The following TEX10 variants were observed in gnomAD, a reference collection of about 807,000 sequenced individuals.
TEX10 encodes the protein testis-expressed protein 10.
A neutral mutation model predicts 104.4 loss-of-function variants in TEX10; 24 were observed. The observed-to-expected ratio is 0.23, with a 90% CI of 0.17 to 0.32. TEX10 has a LOEUF of 0.32. Ranked by LOEUF, TEX10 falls within the 10% of genes least tolerant of loss-of-function variation. The probability of loss-of-function intolerance (pLI) is 1.00; values close to 1 mark genes in which losing one functional copy is unlikely to be tolerated. For missense variants in TEX10, 921 were observed against 1,083.9 expected (o/e 0.85, Z 2.11); for synonymous variants, 396 against 393.4 (o/e 1.01, Z -0.08).
chr9:100,350,776 G>C (rs1309025016), intron 1 of TEX10, among the ~76,000 whole-genome samples: 2 of 152,174 alleles, frequency 1.3e-5, no homozygotes, highest in African/African-American at 2.4e-5. Flanking sequence ...AAGGAATTCA[G>C]AAGCCAATCA....
intron 5 of TEX10, among the ~76,000 whole-genome samples, chr9:100,333,594 C>G (rs1206181400): frequency 6.7e-6 from 1 of 148,304 alleles, no homozygotes; most frequent in African/African-American, 2.5e-5. Context: ...TCCCTTGAGC[C>G]CAGTTCAAAA....
At chr9:100,324,644 A>C (rs1484897707) in intron 9 of TEX10, among the ~76,000 whole-genome samples, 1 of 152,212 alleles carries the variant, frequency 6.6e-6, no homozygotes, top group Non-Finnish European at 1.5e-5. Flanking sequence ...AAACCCCAAG[A>C]TTTTAAAATA....
chr9:100,338,503 G>C (rs1835069366), intron 5 of TEX10, among the ~76,000 whole-genome samples: 1 of 152,174 alleles, frequency 6.6e-6, no homozygotes, highest in South Asian at 2.1e-4. Flanking sequence ...AGTTCTACAA[G>C]TAGTATCTGC....
intron 1 of TEX10, 44 bp downstream of exon 1, chr9:100,352,728 C>A: frequency 2.5e-6 from 3 of 1,212,172 alleles, no homozygotes; most frequent in Non-Finnish European, 3.1e-6. Context: ...ACGCTCAGTC[C>A]CGCGCCCCGG....
rs563608710 is a variant in TEX10, at chr9:100,341,973, CAA to C, written c.1138-1606_1138-1605del. ...TTTTCGCCACACTCAGGTTAAAATC[CAA>C]ACTCCTTACCAGGGACCACAGAGTC... On this transcript the variant is annotated intron_variant, in intron 4 of 14. Coordinates refer to ENST00000374902, the MANE Select transcript of TEX10 (RefSeq NM_017746.4). Among the ~76,000 whole-genome samples, 11 of 152,296 alleles carry C rather than the reference CAA, an allele frequency of 7.2e-5. No homozygotes were observed. The South Asian group carries it at 2.3e-3, about 32-fold the overall frequency.
intron 2 of TEX10, 147 bp from the exon 3 acceptor site, chr9:100,347,553 G>C (rs1835331325): frequency 1.8e-6 from 1 of 550,254 alleles, no homozygotes; most frequent in South Asian, 4.1e-5. Context: ...TTTAGCTTTT[G>C]TTAGGATCAG....
chr9:100,302,408 G>T, intron 14 of TEX10, 104 bp from the exon 15 acceptor site: 1 of 702,440 alleles, frequency 1.4e-6, no homozygotes, highest in Non-Finnish European at 2.4e-6. Context: ...TTTGGCAACT[G>T]TATCCCCATC....
chr9:100,324,969 A>T (rs1208091542), intron 9 of TEX10, among the ~76,000 whole-genome samples: 1 of 152,238 alleles, frequency 6.6e-6, no homozygotes, highest in Non-Finnish European at 1.5e-5. Flanking sequence ...TTCTTAAAAA[A>T]TATGTCCAGG....
chr9:100,321,782 CA>C lies in TEX10; in HGVS notation c.1980-12del. 1 of 1,605,380 alleles carries C rather than the reference CA, an allele frequency of 6.2e-7. No homozygotes were observed. On this transcript the variant is annotated splice_polypyrimidine_tract_variant and intron_variant, in intron 9 of 14. Coordinates refer to ENST00000374902, the MANE Select transcript of TEX10 (RefSeq NM_017746.4). Reference sequence around the variant, plus strand: ...CCAGAAAATGATGATCTATAAAAAACAAAGGGAGAACTATTACCAGAAGTGA... The same window carrying C: ...CCAGAAAATGATGATCTATAAAAAACAAGGGAGAACTATTACCAGAAGTGA...
intron 5 of TEX10, among the ~76,000 whole-genome samples, chr9:100,334,471 A>G (rs1834956721): frequency 6.6e-6 from 1 of 152,140 alleles, no homozygotes; most frequent in African/African-American, 2.4e-5. Flanking sequence ...CGAACTAAAG[A>G]AGACTCTAAA....
intron 4 of TEX10, among the ~76,000 whole-genome samples, chr9:100,344,016 A>C (rs982975540): frequency 7.9e-5 from 12 of 152,244 alleles, no homozygotes; most frequent in African/African-American, 2.9e-4. Context: ...TATAGATTGT[A>C]CCAATGATGT....
Position 100,330,136 on chromosome 9 carries a change from T to C in TEX10, c.1284A>G (p.Ile428Met). ...IKHCTVLSNN[I>M]DHLLLNLTLS... The stretch of plus-strand genomic sequence containing the variant: ...GTGTTAAATTCAGTAAGAGATGATC[T>C]ATGTTATTGGAGAGAACTGTGCAAT... Residue 428 changes from isoleucine to methionine, a missense_variant, in exon 6 of 15, where the codon ATA becomes ATG. This residue lies in a region of TEX10 where 753 missense variants were observed against 868.4 expected (regional missense o/e 0.87). Transcript: ENST00000374902. 6.2e-7 allele frequency: 1 copy of C among 1,613,642 alleles called. No homozygotes were observed. Among genetic ancestry groups the C allele is most frequent in the Non-Finnish European group, 8.5e-7 (1 of 1,179,766 alleles).
chr9:100,308,401 A>T, intron 13 of TEX10, 99 bp downstream of exon 13: 2 of 952,378 alleles, frequency 2.1e-6, no homozygotes, highest in South Asian at 6.4e-5. Flanking sequence ...AATTTAAGGT[A>T]TCTGTATAAC....
At chr9:100,322,418 C>T (rs1331029132) in intron 9 of TEX10, among the ~76,000 whole-genome samples, 1 of 152,050 alleles carries the variant, frequency 6.6e-6, no homozygotes, top group Non-Finnish European at 1.5e-5. Context: ...TTAAAAATTC[C>T]CTTCAAGGTA....
At chr9:100,323,757 G>C (rs771076792) in intron 9 of TEX10, among the ~76,000 whole-genome samples, 1 of 152,132 alleles carries the variant, frequency 6.6e-6, no homozygotes, top group Non-Finnish European at 1.5e-5. Context: ...AATAGAGACA[G>C]CAAGGTATCA....
intron 5 of TEX10, among the ~76,000 whole-genome samples, chr9:100,334,217 G>A (rs1834946523): frequency 6.6e-6 from 1 of 151,934 alleles, no homozygotes; most frequent in South Asian, 2.1e-4. Flanking sequence ...ATACATCACT[G>A]TGAAATTGCA....
intron 6 of TEX10, 132 bp from the exon 7 acceptor site, chr9:100,329,407 A>G (rs557821852): frequency 9.4e-5 from 91 of 965,106 alleles, no homozygotes; most frequent in Non-Finnish European, 1.3e-4. Flanking sequence ...ATAGACAACT[A>G]CCATTGAAGT....
Position 100,346,852 on chromosome 9 carries a change from C to A in TEX10, c.735G>T (p.Leu245Phe). ...LQALADGSSR[L>F]RESEGLQEQK... ...GTTCCTGAAGTCCTTCACTTTCTCT[C>A]AACCTACTGGATCCATCTGCCAAGG... The change falls in exon 3 of 15, where the codon TTG becomes TTT. Residue 245 changes from leucine to phenylalanine, a missense_variant. Around this residue, in one of 3 missense-constraint regions of TEX10, gnomAD observed 753 missense variants for 868.4 expected, o/e 0.87. Coordinates refer to ENST00000374902, the MANE Select transcript of TEX10 (RefSeq NM_017746.4). The A allele has an allele frequency of 3.1e-6, 5 of 1,614,160 alleles. No individual in the cohort carries two copies. The highest frequency in any genetic ancestry group is 3.4e-6 in the Non-Finnish European group (4 of 1,180,010).
intron 4 of TEX10, among the ~76,000 whole-genome samples, chr9:100,340,811 T>C (rs563947059): frequency 1.3e-5 from 2 of 152,342 alleles, no homozygotes; most frequent in South Asian, 4.1e-4. Flanking sequence ...AATTTATCAT[T>C]TCCCTCCTAT....
Sources: allele counts gnomAD v4.1 joint callset (sites outside exome capture counted in the v4.1 genomes callset), GRCh38; gene constraint gnomAD v4.1.1; regional missense constraint gnomAD v4.1.1; transcripts MANE v1.5; gene names NCBI Gene and HGNC (gene_info 2026-07-23, HGNC 2026-07-21).